PACS1: variants seen among roughly 807,000 people sequenced by gnomAD.
PACS1 encodes the protein PACS-1.
PACS1 carries 24 observed loss-of-function variants against 115.0 expected under a neutral mutation model. The observed-to-expected ratio is 0.21, with a 90% confidence interval of 0.15 to 0.29. The LOEUF (loss-of-function observed/expected upper bound fraction) is 0.29, where lower values mean the gene tolerates loss of function less well. Ranked by LOEUF, PACS1 falls within the 10% of genes least tolerant of loss-of-function variation. The probability of loss-of-function intolerance (pLI) is 1.00; values close to 1 mark genes in which losing one functional copy is unlikely to be tolerated. For synonymous variants in PACS1, 453 were observed against 504.5 expected, an observed-to-expected ratio of 0.90 and a Z score of 1.37; for missense variants, 838 against 1,251.2, an observed-to-expected ratio of 0.67 and a Z score of 4.98.
At chr11:66,176,058 T>C (rs1324016342) in intron 1 of PACS1, among the ~76,000 whole-genome samples, 1 of 152,018 alleles carries the variant, frequency 6.6e-6, no homozygotes, top group African/African-American at 2.4e-5. Flanking sequence ...TCCAAAAATA[T>C]AGACATTATT....
chr11:66,196,453 T>C (rs1854652514), intron 2 of PACS1, among the ~76,000 whole-genome samples: 1 of 152,158 alleles, frequency 6.6e-6, no homozygotes, highest in Admixed American at 6.5e-5. Flanking sequence ...GTAGCTGCTT[T>C]TTTCATGAAC....
At chr11:66,170,812 A>G (rs1294525755) in intron 1 of PACS1, among the ~76,000 whole-genome samples, 1 of 147,528 alleles carries the variant, frequency 6.8e-6, no homozygotes, top group East Asian at 1.9e-4. Context: ...GTGTGGTGGC[A>G]TGCACGTTAG....
rs114730283 is a variant in PACS1 at position 66,216,572 on chromosome 11, A to C, written c.858A>C (p.Ser286=). The C allele has an allele frequency of 8.0e-4, 1,293 of 1,614,038 alleles. 5 individuals are homozygous for C. The African/African-American group carries it at 0.014, about 17-fold the overall frequency. Residue 286 remains serine (S), a synonymous_variant, in exon 6 of 24, where the codon TCA becomes TCC. Coordinates refer to ENST00000320580, the MANE Select transcript of PACS1 (RefSeq NM_018026.4). Reference sequence around the variant, plus strand: ...CTGAGGAAGAGGAAGAGAGTTTCTCATCAGAACAGGAAGGCAGTGATGATC... The same window carrying C: ...CTGAGGAAGAGGAAGAGAGTTTCTCCTCAGAACAGGAAGGCAGTGATGATC... ...NYSEEEEESF[S]SEQEGSDDPL...
At chr11:66,130,452 T>C (rs1858673883) in intron 1 of PACS1, among the ~76,000 whole-genome samples, 1 of 152,122 alleles carries the variant, frequency 6.6e-6, no homozygotes, top group Non-Finnish European at 1.5e-5. Context: ...TCCCTGATGT[T>C]TTTATTGTTT....
intron 19 of PACS1, among the ~76,000 whole-genome samples, chr11:66,237,420 G>A (rs1187391167): frequency 6.6e-6 from 1 of 152,176 alleles, no homozygotes; most frequent in Non-Finnish European, 1.5e-5. Flanking sequence ...AGACAGGGAG[G>A]GGCTCATGTG....
At chr11:66,199,080 C>A in intron 2 of PACS1, among the ~76,000 whole-genome samples, 1 of 152,108 alleles carries the variant, frequency 6.6e-6, no homozygotes, top group African/African-American at 2.4e-5. Flanking sequence ...CTTTGGGAGG[C>A]CAAGGCAGGT....
intron 1 of PACS1, among the ~76,000 whole-genome samples, chr11:66,136,323 T>TCACACACACACACACACACACACACA (rs61577143): frequency 8.2e-5 from 12 of 145,912 alleles, no homozygotes; most frequent in African/African-American, 2.8e-4. Flanking sequence ...AATCCCACTG[T>TCACACACACACACACACACACACACA]CACACACACA....
rs922753887 is a variant in PACS1 at position 66,238,704 on chromosome 11, G to T, written c.2251-100G>T. The T allele has an allele frequency of 2.8e-6, 3 of 1,082,780 alleles. No homozygotes were observed. The South Asian group carries it at 4.1e-5, about 15-fold the overall frequency. 67.1% of individuals were successfully genotyped at this position (1,082,780 alleles called of 1,614,324 possible). ...ATTTTAAAGTCGGCAATAAAATAAT[G>T]TGTAGTGATGGCTCTTGTGCCACCA... On this transcript the variant is annotated intron_variant, in intron 19 of 23. Transcript: ENST00000320580.
intron 1 of PACS1, among the ~76,000 whole-genome samples, chr11:66,164,103 C>T (rs1316638929): frequency 6.6e-6 from 1 of 152,064 alleles, no homozygotes; most frequent in South Asian, 2.1e-4. Flanking sequence ...TGGTGTTTCC[C>T]GTCCTGGCTT....
At chr11:66,080,170 A>G (rs1857458261) in intron 1 of PACS1, among the ~76,000 whole-genome samples, 1 of 152,246 alleles carries the variant, frequency 6.6e-6, no homozygotes, top group Admixed American at 6.5e-5. Context: ...GTGTTTTATA[A>G]TGTTTATTGA....
At chr11:66,240,189 G>A (rs1016685399) in intron 21 of PACS1, among the ~76,000 whole-genome samples, 14 of 152,212 alleles carry the variant, frequency 9.2e-5, no homozygotes, top group Non-Finnish European at 2.9e-5. Context: ...AGCAAGCGGC[G>A]GAGCTCGGGT....
At chr11:66,206,230 G>A (rs1854934879) in intron 2 of PACS1, among the ~76,000 whole-genome samples, 2 of 152,062 alleles carry the variant, frequency 1.3e-5, no homozygotes, top group South Asian at 4.1e-4. Context: ...TGTTACTTTA[G>A]TATTAAATAT....
At chr11:66,239,931 G>A (rs1465837936) in intron 21 of PACS1, among the ~76,000 whole-genome samples, 1 of 152,246 alleles carries the variant, frequency 6.6e-6, no homozygotes, top group Non-Finnish European at 1.5e-5. Context: ...CAAGGCCGGA[G>A]GATCGCTTGA....
intron 1 of PACS1, among the ~76,000 whole-genome samples, chr11:66,182,479 T>C (rs1236382724): frequency 1.3e-5 from 2 of 152,068 alleles, no homozygotes; most frequent in Non-Finnish European, 2.9e-5. Context: ...CTTTTTTTTT[T>C]TCTTGAGACA....
At position 66,242,895 on chromosome 11, in the gene PACS1, C is replaced by T. The variant is rs779632477; in HGVS notation, c.2657-17C>T. ...TCCCCAGGGGCTGGGACACAGGTGG[C>T]CTTGCTTGCTTTCCAGTTCCCACCA... On this transcript the variant is annotated splice_polypyrimidine_tract_variant and intron_variant, in intron 22 of 23. Coordinates refer to ENST00000320580, the MANE Select transcript of PACS1 (RefSeq NM_018026.4). The T allele has an allele frequency of 1.1e-5, 18 of 1,613,746 alleles. No homozygotes were observed. Among genetic ancestry groups the T allele is most frequent in the African/African-American group, 9.4e-5 (7 of 74,860 alleles).
At chr11:66,183,170 T>C (rs1275078441) in intron 1 of PACS1, among the ~76,000 whole-genome samples, 1 of 152,134 alleles carries the variant, frequency 6.6e-6, no homozygotes, top group Non-Finnish European at 1.5e-5. Context: ...CCTTAGTTCA[T>C]TGTTTCACAA....
intron 1 of PACS1, among the ~76,000 whole-genome samples, chr11:66,152,230 G>GA (rs879368450): frequency 2.0e-5 from 3 of 150,684 alleles, no homozygotes; most frequent in Non-Finnish European, 3.0e-5. Context: ...TGTCTCAAAA[G>GA]AAAAAAAAAG....
At chr11:66,187,300 G>T (rs1004493253) in intron 1 of PACS1, among the ~76,000 whole-genome samples, 1 of 152,096 alleles carries the variant, frequency 6.6e-6, no homozygotes, top group Admixed American at 6.5e-5. Flanking sequence ...CATCTCAAAC[G>T]CTGATCATTT....
At chr11:66,093,093 A>T (rs1393007807) in intron 1 of PACS1, among the ~76,000 whole-genome samples, 1 of 152,038 alleles carries the variant, frequency 6.6e-6, no homozygotes, top group Non-Finnish European at 1.5e-5. Flanking sequence ...TTGAATCTAT[A>T]AATTACCTTG....
Sources: allele counts gnomAD v4.1 joint callset (sites outside exome capture counted in the v4.1 genomes callset), GRCh38; gene constraint gnomAD v4.1.1; transcripts MANE v1.5; gene names NCBI Gene and HGNC (gene_info 2026-07-23, HGNC 2026-07-21).